Variants in GABBR2 observed in about 807,000 individuals in gnomAD.
GABBR2 encodes G-protein coupled receptor 51.
A neutral mutation model predicts 105.6 loss-of-function variants in GABBR2; 23 were observed. The observed-to-expected ratio is 0.22, with a 90% confidence interval of 0.16 to 0.31. The LOEUF is 0.31. GABBR2 is among the 10% of genes least tolerant of loss of function. The pLI is 1.00. For synonymous variants in GABBR2, 478 were observed against 499.7 expected (o/e 0.96, Z 0.58); for missense variants, 734 against 1,245.5 (o/e 0.59, Z 6.18).
At chr9:98,539,766 AT>A (rs1428041120) in intron 3 of GABBR2, among the ~76,000 whole-genome samples, 3 of 152,032 alleles carry the variant, frequency 2.0e-5, no homozygotes, top group African/African-American at 7.2e-5. Context: ...AAATACATAA[AT>A]TAGCTGGGTG....
chr9:98,572,859 GC>G (rs200871398), intron 2 of GABBR2, among the ~76,000 whole-genome samples: 1 of 152,050 alleles, frequency 6.6e-6, no homozygotes, highest in Admixed American at 6.6e-5. Context: ...CCAGTTCCAA[GC>G]CCCCCCAGCA....
At chr9:98,391,238 C>T (rs1022233989) in intron 9 of GABBR2, among the ~76,000 whole-genome samples, 2 of 152,138 alleles carry the variant, frequency 1.3e-5, no homozygotes, top group African/African-American at 2.4e-5. Context: ...ATAAGCAATC[C>T]TATTTATTGA....
At chr9:98,330,661 TC>T (rs1176288906) in intron 13 of GABBR2, among the ~76,000 whole-genome samples, 1 of 152,206 alleles carries the variant, frequency 6.6e-6, no homozygotes, top group African/African-American at 2.4e-5. Context: ...CAAGAGCATG[TC>T]CCCCTCTCTC....
rs1396525128 is a variant in GABBR2 at position 98,540,837 on chromosome 9, AT to A, written c.630+1035del. Among the ~76,000 whole-genome samples, 3 of 152,356 alleles carry A rather than the reference AT, an allele frequency of 2.0e-5. No individual in the cohort carries two copies. In the South Asian group the frequency reaches 6.2e-4, roughly 32 times the overall value. Reference sequence around the variant, plus strand: ...CAAATGGGAAAAAAGACAGGAGGCCATTTTGTACTCATCTGAGTGAGGCTAA... The same window carrying A: ...CAAATGGGAAAAAAGACAGGAGGCCATTTGTACTCATCTGAGTGAGGCTAA... On this transcript the variant is annotated intron_variant, in intron 3 of 18. Coordinates refer to ENST00000259455, the MANE Select transcript of GABBR2 (RefSeq NM_005458.8).
At chr9:98,299,641 G>A (rs911089757) in intron 16 of GABBR2, among the ~76,000 whole-genome samples, 1 of 152,192 alleles carries the variant, frequency 6.6e-6, no homozygotes, top group African/African-American at 2.4e-5. Flanking sequence ...AGGGCAGGGA[G>A]AGCATACGAG....
At chr9:98,377,176 AG>A (rs1351903092) in intron 11 of GABBR2, among the ~76,000 whole-genome samples, 1 of 115,680 alleles carries the variant, frequency 8.6e-6, no homozygotes, top group Non-Finnish European at 1.7e-5. Flanking sequence ...TCAGGACTGG[AG>A]GTTGGGGAGC....
At chr9:98,497,837 AT>A (rs1827314885) in intron 3 of GABBR2, among the ~76,000 whole-genome samples, 1 of 152,250 alleles carries the variant, frequency 6.6e-6, no homozygotes, top group African/African-American at 2.4e-5. Context: ...CCTCAAAAAA[AT>A]AAATATAAAA....
intron 1 of GABBR2, among the ~76,000 whole-genome samples, chr9:98,598,282 C>A (rs563892482): frequency 1.3e-5 from 2 of 152,218 alleles, no homozygotes; most frequent in African/African-American, 4.8e-5. Flanking sequence ...AGGACAGGAG[C>A]GTCTTCATTT....
intron 2 of GABBR2, among the ~76,000 whole-genome samples, chr9:98,575,454 C>T (rs1828894441): frequency 1.3e-5 from 2 of 152,184 alleles, no homozygotes; most frequent in Admixed American, 1.3e-4. Flanking sequence ...ACTTAGTTAG[C>T]ACTAACTGTG....
chr9:98,643,496 C>A (rs1564139476), intron 1 of GABBR2, among the ~76,000 whole-genome samples: 1 of 152,212 alleles, frequency 6.6e-6, no homozygotes, highest in Non-Finnish European at 1.5e-5. Flanking sequence ...GAGAAGAGAG[C>A]CTATTCTGCC....
At position 98,324,493 on chromosome 9, in the gene GABBR2, GACACACACACACACACACACAC is replaced by G. The variant is rs3983548; in HGVS notation, c.1894-13310_1894-13289del. On this transcript the variant is annotated intron_variant, in intron 13 of 18. Coordinates refer to ENST00000259455, the MANE Select transcript of GABBR2 (RefSeq NM_005458.8). ...CAGTAAGACAAAAGACTACAGAGCC[GACACACACACACACACACACAC>G]ACACACACACACACACACACACACA... 3.2e-4 allele frequency among the ~76,000 whole-genome samples: 46 copies of G among 143,270 alleles called. 1 individual carries two copies. Among genetic ancestry groups the G allele is most frequent in the East Asian group, 1.0e-3 (5 of 4,952 alleles). 94.0% of individuals were successfully genotyped at this position (143,270 alleles called of 152,430 possible).
At chr9:98,390,427 A>G (rs1454622285) in intron 9 of GABBR2, among the ~76,000 whole-genome samples, 2 of 150,680 alleles carry the variant, frequency 1.3e-5, no homozygotes, top group East Asian at 3.9e-4. Context: ...CATTCAGTGG[A>G]TTAAAAGAGT....
intron 7 of GABBR2, among the ~76,000 whole-genome samples, chr9:98,411,783 C>T (rs769654588): frequency 2.6e-5 from 4 of 152,112 alleles, no homozygotes; most frequent in Non-Finnish European, 5.9e-5. Flanking sequence ...GTTGCCCAAG[C>T]AGGTCTCAAA....
rs146621362 is a variant in GABBR2 at position 98,402,703 on chromosome 9, C to T, written c.1297+3378G>A. On this transcript the variant is annotated intron_variant, in intron 8 of 18. Transcript: ENST00000259455. ...GGAGCTCTGGGAAAAGAGCCAAACA[C>T]ACCTGGGAGTTGCCTCACCCAAGGG... Among the ~76,000 whole-genome samples the T allele has an allele frequency of 1.9e-3, 285 of 152,264 alleles. 1 individual carries two copies. Among genetic ancestry groups the T allele is most frequent in the Non-Finnish European group, 6.0e-4 (41 of 68,012 alleles).
chr9:98,373,302 TAAC>T (rs146515449), intron 11 of GABBR2, among the ~76,000 whole-genome samples: 333 of 152,238 alleles, frequency 2.2e-3, no homozygotes, highest in African/African-American at 7.7e-3. Context: ...TAAAAAGAAA[TAAC>T]AACAACAATA....
At chr9:98,516,896 A>G (rs1203500099) in intron 3 of GABBR2, among the ~76,000 whole-genome samples, 1 of 152,154 alleles carries the variant, frequency 6.6e-6, no homozygotes, top group Non-Finnish European at 1.5e-5. Context: ...GCCCCAACAG[A>G]GCGATTCAGA....
chr9:98,375,750 C>G lies in GABBR2; in HGVS notation c.1663-4179G>C, dbSNP rs181962035. On this transcript the variant is annotated intron_variant, in intron 11 of 18. Coordinates refer to ENST00000259455, the MANE Select transcript of GABBR2 (RefSeq NM_005458.8). ...AAGCAAAGCTTGGAAGACTCCCCCC[C>G]TTCTCCCCCTCCATCAGAATGCTCC... Among the ~76,000 whole-genome samples, 143 of 151,540 alleles carry G rather than the reference C, an allele frequency of 9.4e-4. 1 individual carries two copies. The East Asian group carries it at 0.025, about 27-fold the overall frequency.
intron 1 of GABBR2, chr9:98,606,744 T>C: frequency 7.8e-6 from 2 of 255,416 alleles, no homozygotes; most frequent in South Asian, 9.3e-5. Context: ...CCCCCCAAAG[T>C]GCTGGGATTA....
At chr9:98,322,287 A>T (rs545691576) in intron 13 of GABBR2, among the ~76,000 whole-genome samples, 34 of 152,082 alleles carry the variant, frequency 2.2e-4, no homozygotes, top group Non-Finnish European at 2.5e-4. Flanking sequence ...CCCAGGTGAG[A>T]CCAGAACCTG....
Sources: allele counts gnomAD v4.1 joint callset (sites outside exome capture counted in the v4.1 genomes callset), GRCh38; gene constraint gnomAD v4.1.1; transcripts MANE v1.5; gene names NCBI Gene and HGNC (gene_info 2026-07-23, HGNC 2026-07-21).